The following RBFOX3 variants were observed in gnomAD, a reference collection of about 807,000 sequenced individuals.
RBFOX3 encodes RNA binding fox-1 homolog 3, also known as RNA binding protein fox-1 homolog 3.
In RBFOX3, 17 loss-of-function variants were observed where a neutral mutation model predicts 48.7. That is an observed-to-expected ratio of 0.35 (90% CI 0.24 to 0.52). RBFOX3 has a LOEUF of 0.52. Among genes scored for constraint, RBFOX3 ranks in the 20% least tolerant of loss-of-function variants. The pLI is 0.94. For missense variants in RBFOX3, 382 were observed against 497.5 expected, an observed-to-expected ratio of 0.77 and a Z score of 2.21; for synonymous variants, 212 against 209.5, an observed-to-expected ratio of 1.01 and a Z score of -0.10.
At chr17:79,273,947 A>T (rs980398622) in intron 3 of RBFOX3, among the ~76,000 whole-genome samples, 3 of 152,132 alleles carry the variant, frequency 2.0e-5, no homozygotes, top group Admixed American at 1.3e-4. Context: ...CTGCAGGCAC[A>T]ACTCTTCCAG....
At chr17:79,611,240 G>A (rs1176587063), upstream of RBFOX3, among the ~76,000 whole-genome samples, 952 of 139,236 alleles carry the variant, frequency 6.8e-3, 9 homozygotes, top group Non-Finnish European at 9.9e-3. Flanking sequence ...CGGCTGGAGC[G>A]AGGCGGCAGC....
At chr17:79,132,538 T>C (rs982772486) in intron 4 of RBFOX3, among the ~76,000 whole-genome samples, 1 of 152,170 alleles carries the variant, frequency 6.6e-6, no homozygotes, top group Non-Finnish European at 1.5e-5. Flanking sequence ...ATTGCTGGTC[T>C]GACGGGTGAG....
chr17:79,175,375 C>T (rs1012858692), intron 4 of RBFOX3, among the ~76,000 whole-genome samples: 20 of 152,248 alleles, frequency 1.3e-4, no homozygotes, highest in Non-Finnish European at 2.5e-4. Flanking sequence ...CCACCCATCC[C>T]ATTCCTCTGG....
At chr17:79,559,584 G>C (rs1411174866) in intron 1 of RBFOX3, among the ~76,000 whole-genome samples, 2 of 148,000 alleles carry the variant, frequency 1.4e-5, no homozygotes, top group Non-Finnish European at 3.0e-5. Flanking sequence ...AGTGGGTGGG[G>C]GGGTGGATGG....
the RBFOX3 span, among the ~76,000 whole-genome samples, chr17:79,629,624 G>A: frequency 1.2e-4 from 18 of 152,190 alleles, no homozygotes; most frequent in South Asian, 2.3e-3. Context: ...CCTTTAACTC[G>A]GCAATTCCAC....
At chr17:79,164,275 G>A (rs1218903003) in intron 4 of RBFOX3, among the ~76,000 whole-genome samples, 1 of 152,222 alleles carries the variant, frequency 6.6e-6, no homozygotes, top group African/African-American at 2.4e-5. Flanking sequence ...GGAGTCCAAG[G>A]TTAGGGCATA....
chr17:79,168,537 G>T (rs190336318), intron 4 of RBFOX3, among the ~76,000 whole-genome samples: 1 of 152,232 alleles, frequency 6.6e-6, no homozygotes, highest in East Asian at 1.9e-4. Context: ...CCCTGACCCT[G>T]CCAGCCAGGA....
At position 79,090,459 on chromosome 17, in the gene RBFOX3, G is replaced by C. The variant is rs2073672219; in HGVS notation, c.*424C>G. The C allele has an allele frequency of 1.1e-5, 2 of 176,784 alleles. No homozygotes were observed. Among genetic ancestry groups the C allele is most frequent in the Non-Finnish European group, 2.4e-5 (2 of 84,268 alleles). The allele number at this position is 176,784 out of a possible 1,614,324, so 11.0% of individuals were successfully genotyped here. A position where few individuals can be genotyped will look rare whatever the true frequency, so the allele number is the denominator to read the frequency against. ...CAAGTCTTGCTAGCAGCGCCTGCCT[G>C]CTCAGGCCCGGGCCTGCTCCGCCGC... On this transcript the variant is annotated 3_prime_UTR_variant, in exon 15 of 15. Coordinates refer to ENST00000693108, the MANE Select transcript of RBFOX3 (RefSeq NM_001350451.2).
chr17:79,643,986 A>G, the RBFOX3 span, among the ~76,000 whole-genome samples: 1 of 152,164 alleles, frequency 6.6e-6, no homozygotes, highest in Non-Finnish European at 1.5e-5. Context: ...TGGTTCTTTG[A>G]AAAGATCAAT....
intron 3 of RBFOX3, among the ~76,000 whole-genome samples, chr17:79,265,195 C>T (rs1472618246): frequency 1.3e-5 from 2 of 152,226 alleles, no homozygotes; most frequent in Admixed American, 6.5e-5. Flanking sequence ...CACCACCCTT[C>T]AGCCTGGAGG....
At chr17:79,215,795 G>A (rs556207178) in intron 4 of RBFOX3, among the ~76,000 whole-genome samples, 37 of 152,368 alleles carry the variant, frequency 2.4e-4, no homozygotes, top group Non-Finnish European at 3.5e-4. Context: ...GCCCTGAAGC[G>A]GAGCACCCAC....
At chr17:79,304,443 A>G (rs1473878014) in intron 3 of RBFOX3, among the ~76,000 whole-genome samples, 3 of 149,934 alleles carry the variant, frequency 2.0e-5, no homozygotes, top group South Asian at 2.1e-4. Context: ...ATATATGTGT[A>G]TATATATATA....
intron 4 of RBFOX3, among the ~76,000 whole-genome samples, chr17:79,166,104 C>T (rs71386002): frequency 6.6e-6 from 1 of 152,206 alleles, no homozygotes; most frequent in Non-Finnish European, 1.5e-5. Context: ...GAACTAGGTA[C>T]AACAGAGGGA....
chr17:79,334,894 T>C (rs540800400), intron 2 of RBFOX3, among the ~76,000 whole-genome samples: 1 of 152,334 alleles, frequency 6.6e-6, no homozygotes, highest in South Asian at 2.1e-4. Flanking sequence ...CAGCCCACCC[T>C]GCACAGACAC....
At chr17:79,354,924 A>G (rs1360472722) in intron 2 of RBFOX3, among the ~76,000 whole-genome samples, 1 of 152,236 alleles carries the variant, frequency 6.6e-6, no homozygotes, top group Non-Finnish European at 1.5e-5. Context: ...CTCCCTTAAT[A>G]GAGAATTGCA....
In RBFOX3 at chr17:79,303,173, A is replaced by C. The variant is rs118120155; in HGVS notation, c.-74+4551T>G. On this transcript the variant is annotated intron_variant, in intron 3 of 14. Transcript: ENST00000693108. The stretch of plus-strand genomic sequence containing the variant: ...TAGTAAGCCTTAATCACACCACCGT[A>C]CTCCAGCCTGTGTGACAGAACAAGA... Among the ~76,000 whole-genome samples the C allele has an allele frequency of 1.8e-3, 267 of 152,196 alleles. 1 individual carries two copies. The highest frequency in any genetic ancestry group is 0.013 in the East Asian group (66 of 5,184).
At position 79,476,150 on chromosome 17, in the gene RBFOX3, G is replaced by T. The variant is rs751974468; in HGVS notation, c.-175+6304C>A. On this transcript the variant is annotated intron_variant, in intron 2 of 14. Coordinates refer to ENST00000693108, the MANE Select transcript of RBFOX3 (RefSeq NM_001350451.2). The stretch of plus-strand genomic sequence containing the variant: ...TATTTCCATCTGGGGAGCAGCGGCA[G>T]GGCCCTCCCTTCCCGCTCCAGCGCT... 9.2e-3 allele frequency among the ~76,000 whole-genome samples: 1,404 copies of T among 152,332 alleles called. 6 individuals are homozygous for T. Among genetic ancestry groups the T allele is most frequent in the Non-Finnish European group, 0.014 (952 of 68,032 alleles).
chr17:79,586,340 G>A (rs1466452783), intron 1 of RBFOX3, among the ~76,000 whole-genome samples: 4 of 152,286 alleles, frequency 2.6e-5, no homozygotes, highest in Admixed American at 6.5e-5. Flanking sequence ...CAAGTCCAGC[G>A]GCCTCCGCCC....
At chr17:79,316,577 G>C (rs1419411690) in intron 2 of RBFOX3, among the ~76,000 whole-genome samples, 1 of 152,230 alleles carries the variant, frequency 6.6e-6, no homozygotes, top group African/African-American at 2.4e-5. Context: ...TGAGGAGCCT[G>C]GGCCACACAG....
Sources: allele counts gnomAD v4.1 joint callset (sites outside exome capture counted in the v4.1 genomes callset), GRCh38; gene constraint gnomAD v4.1.1; transcripts MANE v1.5; gene names NCBI Gene and HGNC (gene_info 2026-07-23, HGNC 2026-07-21).